The following ELFN2 variants were observed in gnomAD, a reference collection of about 807,000 sequenced individuals.
ELFN2 encodes the protein extracellular leucine rich repeat and fibronectin type III domain containing 2.
ELFN2 carries 17 observed loss-of-function variants against 45.5 expected under a neutral mutation model. That is an observed-to-expected ratio of 0.37 (90% CI 0.26 to 0.56). The LOEUF (loss-of-function observed/expected upper bound fraction) is 0.56, where lower values mean the gene tolerates loss of function less well. Ranked by LOEUF, ELFN2 falls within the 20% of genes least tolerant of loss-of-function variation. ELFN2 has a pLI of 0.77. For synonymous variants in ELFN2, 550 were observed against 551.5 expected, an observed-to-expected ratio of 1.00 and a Z score of 0.04; for missense variants, 922 against 1,183.2, an observed-to-expected ratio of 0.78 and a Z score of 3.24.
chr22:37,364,054 T>C (rs1197037837), downstream of ELFN2, among the ~76,000 whole-genome samples: 1 of 152,032 alleles, frequency 6.6e-6, no homozygotes, highest in Non-Finnish European at 1.5e-5. Flanking sequence ...TCCAGGGGAA[T>C]TGGGGTAAAG....
At chr22:37,358,400 G>A (rs749081175) in intron 1 of ELFN2, among the ~76,000 whole-genome samples, 7 of 152,220 alleles carry the variant, frequency 4.6e-5, no homozygotes, top group South Asian at 2.1e-4. Flanking sequence ...GTCCAGGTCC[G>A]CCGGGGCGAG....
chr22:37,420,724 A>AT (rs531223218), intron 1 of ELFN2, among the ~76,000 whole-genome samples: 2 of 152,182 alleles, frequency 1.3e-5, no homozygotes, highest in African/African-American at 2.4e-5. Flanking sequence ...CGTTCTGAGG[A>AT]TTTAATGAGG....
At chr22:37,359,573 C>T (rs534786623) in intron 1 of ELFN2, among the ~76,000 whole-genome samples, 7 of 152,366 alleles carry the variant, frequency 4.6e-5, no homozygotes, top group African/African-American at 7.2e-5. Context: ...ACGGTATGAA[C>T]GCTCCTCAGC....
In ELFN2 at chr22:37,371,807, T is replaced by TG. The variant is rs111740976; in HGVS notation, c.*1264dup. 3 of 151,152 alleles carry TG rather than the reference T, an allele frequency of 2.0e-5. No homozygotes were observed. Among genetic ancestry groups the TG allele is most frequent in the Admixed American group, 6.6e-5 (1 of 15,196 alleles). 9.4% of individuals were successfully genotyped at this position (151,152 alleles called of 1,614,324 possible). A position where few individuals can be genotyped will look rare whatever the true frequency, so the allele number is the denominator to read the frequency against. On this transcript the variant is annotated 3_prime_UTR_variant, in exon 3 of 3. Coordinates refer to ENST00000402918, the MANE Select transcript of ELFN2 (RefSeq NM_052906.5). The surrounding 1 kb of genome is among the most constrained non-coding windows in gnomAD (Gnocchi z 6.4). ...TGTTTGTGCTTTGTTTGATGTTGGG[T>TG]GGGGGGGTCAGAAAGAGGGAAGTGG...
At chr22:37,413,988 C>T (rs1343818893) in intron 2 of ELFN2, among the ~76,000 whole-genome samples, 1 of 152,196 alleles carries the variant, frequency 6.6e-6, no homozygotes, top group East Asian at 1.9e-4. Context: ...TGCTGTGTAC[C>T]CACGGCACCT....
At chr22:37,351,824 A>C (rs997832280) in intron 1 of ELFN2, among the ~76,000 whole-genome samples, 1 of 150,856 alleles carries the variant, frequency 6.6e-6, no homozygotes, top group African/African-American at 2.4e-5. Context: ...TGGCGGCCCC[A>C]TTTCAAATCT....
intron 2 of ELFN2, among the ~76,000 whole-genome samples, chr22:37,392,862 A>G (rs575998078): frequency 6.6e-6 from 1 of 152,312 alleles, no homozygotes; most frequent in East Asian, 1.9e-4. Context: ...TATTTCCATC[A>G]GCAGCAGCTC....
intron 1 of ELFN2, among the ~76,000 whole-genome samples, chr22:37,361,683 G>A (rs572679221): frequency 1.6e-4 from 24 of 152,246 alleles, no homozygotes; most frequent in African/African-American, 4.3e-4. Flanking sequence ...AGGCCTGGGC[G>A]TGAGTACAAA....
At chr22:37,420,556 G>C (rs757123750) in intron 1 of ELFN2, 6 of 152,804 alleles carry the variant, frequency 3.9e-5, no homozygotes, top group Non-Finnish European at 8.8e-5. Flanking sequence ...TTCGCCCTGT[G>C]CAAGGTGCTG....
intron 1 of ELFN2, among the ~76,000 whole-genome samples, chr22:37,349,843 G>C (rs762069216): frequency 1.3e-5 from 2 of 151,218 alleles, no homozygotes. Context: ...GTGTCAGAGA[G>C]AGCAACATTG....
downstream of ELFN2, among the ~76,000 whole-genome samples, chr22:37,366,670 C>A (rs1424659536): frequency 2.0e-5 from 3 of 152,226 alleles, no homozygotes; most frequent in Non-Finnish European, 4.4e-5. Context: ...CAGGCCCTAC[C>A]TCTCTGCGCC....
At chr22:37,357,257 G>A (rs945722127) in intron 1 of ELFN2, among the ~76,000 whole-genome samples, 1 of 152,170 alleles carries the variant, frequency 6.6e-6, no homozygotes, top group Admixed American at 6.5e-5. Context: ...ACTTCTCATT[G>A]ACCAGAACTT....
At chr22:37,420,197 C>T (rs1175651246) in intron 1 of ELFN2, 1 of 152,072 alleles carries the variant, frequency 6.6e-6, no homozygotes, top group Non-Finnish European at 1.5e-5. Context: ...CCCGGCGGGG[C>T]TCCGAGCGCG....
At chr22:37,407,148 T>G (rs1051252385) in intron 2 of ELFN2, among the ~76,000 whole-genome samples, 1 of 152,028 alleles carries the variant, frequency 6.6e-6, no homozygotes, top group Admixed American at 6.5e-5. Context: ...TGTGTGTGTG[T>G]CGTATGTGTA....
Position 37,373,702 on chromosome 22 carries a change from G to T in ELFN2, c.1833C>A (p.His611Gln). 1 of 1,557,384 alleles carries T rather than the reference G, an allele frequency of 6.4e-7. No homozygotes were observed. Among genetic ancestry groups the T allele is most frequent in the Non-Finnish European group, 8.6e-7 (1 of 1,157,036 alleles). The part of the protein sequence containing the change: ...FLSPPYKESS[H>Q]HPLQRQLSAD... ...CGCTCAGCTGGCGCTGTAGTGGGTG[G>T]TGGGAGCTCTCCTTGTAGGGAGGCG... Residue 611 changes from histidine to glutamine, a missense_variant, in exon 3 of 3, where the codon CAC (histidine) becomes CAA (glutamine). This residue lies in a region of ELFN2 where 564 missense variants were observed against 642.8 expected (regional missense o/e 0.88). Transcript: ENST00000402918.
In ELFN2 at chr22:37,417,180, T is replaced by A. The variant is rs969236584; in HGVS notation, c.-463+589A>T. ...CCAGCCCCAGCCAGGACGGAGCAGC[T>A]CCTTCTGCCTGCCTGTCTGCCTGTT... On this transcript the variant is annotated intron_variant, in intron 2 of 2. Transcript: ENST00000402918. This position sits in a 1 kb window ranked among gnomAD's most constrained non-coding sequence, Gnocchi z 4.5. 6.6e-6 allele frequency among the ~76,000 whole-genome samples: 1 copy of A among 152,046 alleles called. No homozygotes were observed. The highest frequency in any genetic ancestry group is 1.5e-5 in the Non-Finnish European group (1 of 67,972).
chr22:37,406,506 A>AC (rs977453846), intron 2 of ELFN2, among the ~76,000 whole-genome samples: 9 of 150,386 alleles, frequency 6.0e-5, no homozygotes, highest in Non-Finnish European at 1.2e-4. Flanking sequence ...CATCCATGCC[A>AC]CCCCCCACTC....
chr22:37,366,713 C>G (rs1931214887), downstream of ELFN2, among the ~76,000 whole-genome samples: 1 of 152,258 alleles, frequency 6.6e-6, no homozygotes, highest in African/African-American at 2.4e-5. Flanking sequence ...CCTCCTCCTC[C>G]TCCCTTGGTG....
At chr22:37,390,889 C>A (rs1932070693) in intron 2 of ELFN2, among the ~76,000 whole-genome samples, 5 of 152,196 alleles carry the variant, frequency 3.3e-5, no homozygotes, top group Admixed American at 3.3e-4. Context: ...GCCCTGGAGG[C>A]CCAGGCAGAG....
Sources: gnomAD v4.1 joint callset for allele counts (sites outside exome capture counted in the v4.1 genomes callset) on GRCh38, gnomAD v4.1.1 for gene constraint, gnomAD v4.1.1 regional missense constraint, Gnocchi (gnomAD v3.1) non-coding constraint, MANE v1.5 for transcripts, NCBI Gene and HGNC (gene_info 2026-07-23, HGNC 2026-07-21) for gene names.